NEIL2: variants seen among roughly 807,000 people sequenced by gnomAD.
NEIL2 encodes the protein nei like DNA glycosylase 2, also known as endonuclease 8-like 2.
A neutral mutation model predicts 22.2 loss-of-function variants in NEIL2; 23 were observed. The ratio of observed to expected loss-of-function variants is 1.04; its 90% CI spans 0.75 to 1.47. NEIL2 has a LOEUF of 1.47. Ranked by LOEUF, NEIL2 falls within the 40% of genes most tolerant of loss-of-function variation. NEIL2 has a pLI of 0.00. For synonymous variants in NEIL2, 229 were observed against 164.8 expected (o/e 1.39, Z -2.99); for missense variants, 583 against 404.7 (o/e 1.44, Z -3.78).
At chr8:11,777,219 C>A (rs186336507) in intron 2 of NEIL2, among the ~76,000 whole-genome samples, 18 of 152,050 alleles carry the variant, frequency 1.2e-4, no homozygotes, top group African/African-American at 7.2e-5. Context: ...TCTCGATCTC[C>A]TGGGCTCAAG....
chr8:11,771,755 C>G (rs769993141), intron 2 of NEIL2, among the ~76,000 whole-genome samples, 170 bp downstream of exon 2: 1 of 152,174 alleles, frequency 6.6e-6, no homozygotes, highest in South Asian at 2.1e-4. Flanking sequence ...AAGTAGATAT[C>G]GCTGTGGACT....
chr8:11,784,203 G>C (rs1254290103), intron 4 of NEIL2, among the ~76,000 whole-genome samples: 2 of 152,194 alleles, frequency 1.3e-5, no homozygotes, highest in South Asian at 2.1e-4. Context: ...GCAGGCACTT[G>C]CCTTGCATTT....
At chr8:11,773,785 A>G (rs1301944491) in intron 2 of NEIL2, among the ~76,000 whole-genome samples, 1 of 152,074 alleles carries the variant, frequency 6.6e-6, no homozygotes, top group Non-Finnish European at 1.5e-5. Context: ...CATTTTCTAT[A>G]TAGGAGTTGT....
chr8:11,784,050 C>G (rs976852301), intron 4 of NEIL2, among the ~76,000 whole-genome samples: 2 of 149,206 alleles, frequency 1.3e-5, no homozygotes, highest in Non-Finnish European at 3.0e-5. Flanking sequence ...TTATTACTCA[C>G]AGTAGGGGAA....
intron 1 of NEIL2, among the ~76,000 whole-genome samples, chr8:11,770,721 C>G (rs942594040): frequency 6.6e-6 from 1 of 152,142 alleles, no homozygotes; most frequent in African/African-American, 2.4e-5. Context: ...GTGTACACCA[C>G]TCAGACTGCC....
At chr8:11,784,614 G>C (rs558221816) in intron 4 of NEIL2, among the ~76,000 whole-genome samples, 2 of 152,232 alleles carry the variant, frequency 1.3e-5, no homozygotes, top group Non-Finnish European at 2.9e-5. Context: ...GCTCTGTCAC[G>C]CTCACCACCT....
Position 11,786,413 on chromosome 8 carries a change from T to G in NEIL2, c.*140T>G. On this transcript the variant is annotated 3_prime_UTR_variant, in exon 5 of 5. Coordinates refer to ENST00000284503, the MANE Select transcript of NEIL2 (RefSeq NM_145043.4). ...GCCAGTAGTATAATATTCGTCTCCCTGGAGTTATGTTGAAGGCAGAGTTTT... is the reference window on the plus strand; with the variant it reads ...GCCAGTAGTATAATATTCGTCTCCCGGGAGTTATGTTGAAGGCAGAGTTTT... 1 of 791,084 alleles carries G rather than the reference T, an allele frequency of 1.3e-6. No individual in the cohort carries two copies. Among genetic ancestry groups the G allele is most frequent in the Non-Finnish European group, 2.1e-6 (1 of 465,820 alleles). The allele number at this position is 791,084 out of a possible 1,614,324, so 49.0% of individuals were successfully genotyped here. A position where few individuals can be genotyped will look rare whatever the true frequency, so the allele number is the denominator to read the frequency against.
intron 2 of NEIL2, among the ~76,000 whole-genome samples, chr8:11,778,288 C>A (rs1016663436): frequency 3.4e-4 from 26 of 76,632 alleles, no homozygotes; most frequent in Non-Finnish European, 5.8e-4. Flanking sequence ...AATCCTTGCT[C>A]AGTTTTTTTT....
chr8:11,785,752 T>C (rs1804868046), intron 4 of NEIL2, among the ~76,000 whole-genome samples: 1 of 152,194 alleles, frequency 6.6e-6, no homozygotes, highest in South Asian at 2.1e-4. Flanking sequence ...TGACGGGCCA[T>C]GCATGAGTTT....
intron 2 of NEIL2, among the ~76,000 whole-genome samples, chr8:11,771,849 C>G (rs1038527373): frequency 5.9e-5 from 9 of 152,212 alleles, no homozygotes; most frequent in African/African-American, 2.2e-4. Context: ...CCGGCCGCAG[C>G]TGATGGGCAC....
Position 11,786,178 on chromosome 8 carries a change from T to A in NEIL2, c.904T>A (p.Phe302Ile). 1 of 1,613,750 alleles carries A rather than the reference T, an allele frequency of 6.2e-7. No individual in the cohort carries two copies. The highest frequency in any genetic ancestry group is 1.1e-5 in the South Asian group (1 of 91,056). ...PAGHQVMKEA[F>I]GPEDGLQRLT... ...TGGCCACCAGGTCATGAAGGAGGCG[T>A]TTGGGCCCGAAGATGGGTTACAGAG... Residue 302 changes from phenylalanine to isoleucine, a missense_variant, in exon 5 of 5, where the codon TTT (phenylalanine) becomes ATT (isoleucine). Physicochemically the swap from Phe to Ile is conservative, Grantham distance 21 (BLOSUM62 0). Transcript: ENST00000284503.
chr8:11,786,358 G>A lies in NEIL2; in HGVS notation c.*85G>A, dbSNP rs773351709. The A allele has an allele frequency of 1.7e-5, 22 of 1,327,070 alleles. No homozygotes were observed. The highest frequency in any genetic ancestry group is 2.5e-5 in the East Asian group (1 of 40,148). The allele number at this position is 1,327,070 out of a possible 1,614,324, so 82.2% of individuals were successfully genotyped here. A position where few individuals can be genotyped will look rare whatever the true frequency, so the allele number is the denominator to read the frequency against. ...CAGAAAGGAGGATGTGGGCAGGGAC[G>A]GGGTACAGAGGATAGTGTGGGTCAG... On this transcript the variant is annotated 3_prime_UTR_variant, in exon 5 of 5. Coordinates refer to ENST00000284503, the MANE Select transcript of NEIL2 (RefSeq NM_145043.4).
intron 2 of NEIL2, among the ~76,000 whole-genome samples, chr8:11,777,619 TG>T (rs902085860): frequency 2.0e-5 from 3 of 152,188 alleles, no homozygotes; most frequent in African/African-American, 7.2e-5. Context: ...CTCATATCAG[TG>T]GAATTATACA....
Position 11,779,588 on chromosome 8 carries a change from T to G in NEIL2, c.139-10T>G. On this transcript the variant is annotated splice_polypyrimidine_tract_variant and intron_variant, in intron 2 of 4. Coordinates refer to ENST00000284503, the MANE Select transcript of NEIL2 (RefSeq NM_145043.4). ...TCTGTAAGGCTTGGATCTCTGTTCA[T>G]TTTTTCTAGGTCCATGGAAAGAAAT... 6.2e-7 allele frequency: 1 copy of G among 1,601,386 alleles called. No individual in the cohort carries two copies. The highest frequency in any genetic ancestry group is 8.5e-7 in the Non-Finnish European group (1 of 1,170,660).
rs1490080492 is a variant in NEIL2, at chr8:11,770,225, T to G, written c.-113T>G. 1 of 152,198 alleles carries G rather than the reference T, an allele frequency of 6.6e-6. No individual in the cohort carries two copies. The highest frequency in any genetic ancestry group is 1.5e-5 in the Non-Finnish European group (1 of 68,036). The allele number at this position is 152,198 out of a possible 1,614,324, so 9.4% of individuals were successfully genotyped here. On this transcript the variant is annotated 5_prime_UTR_variant, in exon 1 of 5. Coordinates refer to ENST00000284503, the MANE Select transcript of NEIL2 (RefSeq NM_145043.4). ...ACCTGTCCATCTCCATAAAAATCCC[T>G]AAACGAAACATGCCCACGTGTCCGG... is the stretch of plus-strand genomic sequence containing the variant.
intron 2 of NEIL2, among the ~76,000 whole-genome samples, chr8:11,775,217 A>T (rs914443125): frequency 1.3e-5 from 2 of 152,208 alleles, no homozygotes; most frequent in Non-Finnish European, 2.9e-5. Flanking sequence ...ACATCCTCAG[A>T]AATCTAGGTG....
At chr8:11,771,392 G>T (rs557720135) in intron 1 of NEIL2, 54 bp from the exon 2 acceptor site, 1 of 1,609,296 alleles carries the variant, frequency 6.2e-7, no homozygotes, top group African/African-American at 1.3e-5. Context: ...TGTTAAAGAT[G>T]CTAGAGATAA....
chr8:11,777,728 C>G (rs1352987690), intron 2 of NEIL2, among the ~76,000 whole-genome samples: 4 of 152,248 alleles, frequency 2.6e-5, no homozygotes, highest in South Asian at 2.1e-4. Flanking sequence ...TTGTTGTAAT[C>G]TAATTTTGCT....
intron 3 of NEIL2, 195 bp from the exon 4 acceptor site, chr8:11,783,008 C>G: frequency 3.1e-6 from 2 of 654,756 alleles, no homozygotes; most frequent in Non-Finnish European, 5.7e-6. Context: ...ATGATCCAGC[C>G]ACAGAGTGTG....
Sources: gnomAD v4.1 joint callset for allele counts (sites outside exome capture counted in the v4.1 genomes callset) on GRCh38, gnomAD v4.1.1 for gene constraint, MANE v1.5 for transcripts, NCBI Gene and HGNC (gene_info 2026-07-23, HGNC 2026-07-21) for gene names.